Variants in IMMP1L observed in about 807,000 individuals in gnomAD.
IMMP1L encodes mitochondrial inner membrane protease subunit 1.
In IMMP1L, 24 loss-of-function variants were observed where a neutral mutation model predicts 21.8. The observed-to-expected ratio is 1.10, with a 90% confidence interval of 0.80 to 1.55. The LOEUF (loss-of-function observed/expected upper bound fraction) is 1.55, where lower values mean the gene tolerates loss of function less well. Ranked by LOEUF, IMMP1L falls within the 40% of genes most tolerant of loss-of-function variation. The pLI, the probability that IMMP1L is intolerant of heterozygous loss-of-function variation, is 0.00. For synonymous variants in IMMP1L, 46 were observed against 62.8 expected (o/e 0.73, Z 1.26); for missense variants, 195 against 200.7 (o/e 0.97, Z 0.17).
chr11:31,451,522 A>T (rs927148265), intron 4 of IMMP1L, among the ~76,000 whole-genome samples: 1 of 151,966 alleles, frequency 6.6e-6, no homozygotes, highest in Non-Finnish European at 1.5e-5. Context: ...AGTAAGGATA[A>T]CTCTAAGGTT....
intron 4 of IMMP1L, among the ~76,000 whole-genome samples, chr11:31,442,002 A>T (rs1192320763): frequency 6.6e-6 from 1 of 152,200 alleles, no homozygotes; most frequent in Non-Finnish European, 1.5e-5. Flanking sequence ...CATAAGACTG[A>T]ATATATGAAT....
intron 4 of IMMP1L, among the ~76,000 whole-genome samples, chr11:31,441,045 G>C (rs1953308636): frequency 6.6e-6 from 1 of 152,110 alleles, no homozygotes; most frequent in South Asian, 2.1e-4. Flanking sequence ...CCATGAGATA[G>C]CCAGAGGAAA....
intron 4 of IMMP1L, among the ~76,000 whole-genome samples, chr11:31,447,912 A>T (rs1953589586): frequency 6.6e-6 from 1 of 152,178 alleles, no homozygotes; most frequent in African/African-American, 2.4e-5. Context: ...AATTTTAATT[A>T]CCCAAAGTGG....
At chr11:31,444,229 A>C (rs1953437838) in intron 4 of IMMP1L, among the ~76,000 whole-genome samples, 1 of 152,224 alleles carries the variant, frequency 6.6e-6, no homozygotes, top group Non-Finnish European at 1.5e-5. Flanking sequence ...AAATGAAACA[A>C]GACTCCTGGC....
At chr11:31,494,933 C>T (rs572577482) in intron 1 of IMMP1L, among the ~76,000 whole-genome samples, 28 of 152,282 alleles carry the variant, frequency 1.8e-4, no homozygotes, top group Admixed American at 5.2e-4. Flanking sequence ...CGTGAGCCAC[C>T]GCGACCAGCC....
chr11:31,435,281 C>T (rs78396089), intron 4 of IMMP1L, among the ~76,000 whole-genome samples: 2,981 of 152,226 alleles, frequency 0.02, 89 homozygotes, highest in African/African-American at 0.067. Context: ...ATGAAGCTTT[C>T]CCTAAACTTG....
chr11:31,457,669 A>C (rs1446780523), intron 3 of IMMP1L, among the ~76,000 whole-genome samples: 1 of 152,202 alleles, frequency 6.6e-6, no homozygotes, highest in Non-Finnish European at 1.5e-5. Context: ...ATCATTAATT[A>C]ATAAAATAAC....
chr11:31,460,786 C>A, intron 2 of IMMP1L, 72 bp from the exon 3 acceptor site: 1 of 1,081,004 alleles, frequency 9.3e-7, no homozygotes, highest in Non-Finnish European at 1.4e-6. Context: ...TTTAAGCAAG[C>A]TTAAAAGAAA....
At chr11:31,452,595 C>A (rs1953793522) in intron 4 of IMMP1L, 1 of 985,584 alleles carries the variant, frequency 1.0e-6, no homozygotes. Context: ...AGGCAACATA[C>A]TCAAGATGTC....
chr11:31,437,272 TAC>T (rs1953156593), intron 4 of IMMP1L: 1 of 338,958 alleles, frequency 3.0e-6, no homozygotes, highest in Non-Finnish European at 5.9e-6. Context: ...ATGTTTCATA[TAC>T]ACCTCATATA....
At chr11:31,460,852 T>C in intron 2 of IMMP1L, 138 bp from the exon 3 acceptor site, 1 of 661,442 alleles carries the variant, frequency 1.5e-6, no homozygotes, top group South Asian at 1.9e-5. Context: ...AATTTGGCAG[T>C]TCTCAAGTAA....
chr11:31,499,653 T>G (rs938723177), intron 1 of IMMP1L, among the ~76,000 whole-genome samples: 7 of 152,172 alleles, frequency 4.6e-5, no homozygotes, highest in East Asian at 3.9e-4. Context: ...GCATATTTTT[T>G]ATAACATGTG....
intron 1 of IMMP1L, among the ~76,000 whole-genome samples, chr11:31,465,394 T>G (rs530941941): frequency 3.9e-5 from 6 of 152,208 alleles, no homozygotes; most frequent in African/African-American, 1.4e-4. Context: ...GATCTAAAGA[T>G]TCAATGCAAT....
rs367606749 is a variant in IMMP1L at position 31,467,836 on chromosome 11, G to C, written c.-29-4531C>G. ...GGTATCTTTCCAATGGGAAGATCTGGTAAATACTAACTTAACACAATGACC... is the reference window on the plus strand; with the variant it reads ...GGTATCTTTCCAATGGGAAGATCTGCTAAATACTAACTTAACACAATGACC... On this transcript the variant is annotated intron_variant, in intron 1 of 5. Transcript: ENST00000532287. 1.5e-4 allele frequency among the ~76,000 whole-genome samples: 23 copies of C among 150,412 alleles called. No individual in the cohort carries two copies. In the East Asian group the frequency reaches 3.7e-3, roughly 24 times the overall value.
At chr11:31,436,721 T>C (rs560880892) in intron 4 of IMMP1L, among the ~76,000 whole-genome samples, 15 of 152,046 alleles carry the variant, frequency 9.9e-5, no homozygotes, top group Non-Finnish European at 2.2e-4. Flanking sequence ...GGTGAGCCAG[T>C]GCGCCCAACC....
chr11:31,446,610 C>A (rs1482770030), intron 4 of IMMP1L, among the ~76,000 whole-genome samples: 2 of 152,134 alleles, frequency 1.3e-5, no homozygotes, highest in African/African-American at 4.8e-5. Context: ...ACTACATGTG[C>A]CATACACTGG....
chr11:31,484,458 T>C (rs1368423715), intron 1 of IMMP1L, among the ~76,000 whole-genome samples: 1 of 151,990 alleles, frequency 6.6e-6, no homozygotes, highest in East Asian at 1.9e-4. Context: ...ATCCACTTTT[T>C]TTAACAGCTG....
intron 4 of IMMP1L, among the ~76,000 whole-genome samples, chr11:31,454,118 G>C (rs1031842935): frequency 6.6e-6 from 1 of 152,068 alleles, no homozygotes; most frequent in Non-Finnish European, 1.5e-5. Context: ...TACAAAATAA[G>C]TGCTGACCAA....
chr11:31,497,412 A>ACAAG (rs2133813346), intron 1 of IMMP1L, among the ~76,000 whole-genome samples: 1 of 152,038 alleles, frequency 6.6e-6, no homozygotes, highest in East Asian at 1.9e-4. Flanking sequence ...AGTGGTTGAA[A>ACAAG]CAAGAGAGAA....
Sources: gnomAD v4.1 joint callset for allele counts (sites outside exome capture counted in the v4.1 genomes callset) on GRCh38, gnomAD v4.1.1 for gene constraint, MANE v1.5 for transcripts, NCBI Gene and HGNC (gene_info 2026-07-23, HGNC 2026-07-21) for gene names.